The following PCDHGA1 variants were observed in gnomAD, a reference collection of about 807,000 sequenced individuals.
The protein encoded by PCDHGA1 is protocadherin gamma subfamily A, 1, also known as protocadherin gamma-A1.
Under a neutral mutation model 58.0 loss-of-function variants are expected in PCDHGA1, and 32 were observed. The observed-to-expected ratio is 0.55, with a 90% CI of 0.42 to 0.74. PCDHGA1 has a LOEUF of 0.74. PCDHGA1 is among the 30% of genes least tolerant of loss of function. The pLI, the probability that PCDHGA1 is intolerant of heterozygous loss-of-function variation, is 0.00. For synonymous variants in PCDHGA1, 498 were observed against 501.1 expected, an observed-to-expected ratio of 0.99 and a Z score of 0.08; for missense variants, 1,205 against 1,182.3, an observed-to-expected ratio of 1.02 and a Z score of -0.28.
chr5:141,408,316 G>T (rs1407149479), intron 1 of PCDHGA1: 2 of 1,613,750 alleles, frequency 1.2e-6, no homozygotes, highest in African/African-American at 1.3e-5. Flanking sequence ...ACTCGATTCC[G>T]GAGGAGCTGG....
At chr5:141,418,481 C>G (rs1438009750) in intron 1 of PCDHGA1, 1 of 1,614,006 alleles carries the variant, frequency 6.2e-7, no homozygotes, top group Admixed American at 1.7e-5. Context: ...GCAGAGCGCT[C>G]ACCACTTGGT....
intron 1 of PCDHGA1, among the ~76,000 whole-genome samples, chr5:141,474,130 C>G (rs28684928): frequency 6.6e-6 from 1 of 152,160 alleles, no homozygotes; most frequent in Non-Finnish European, 1.5e-5. Context: ...TCTCAGAAAA[C>G]TACAGGCCTT....
intron 1 of PCDHGA1, chr5:141,360,267 C>T (rs755623766): frequency 6.2e-7 from 1 of 1,613,986 alleles, no homozygotes; most frequent in Non-Finnish European, 8.5e-7. Context: ...TGGCCAAAAA[C>T]TCGGTCGTAG....
intron 1 of PCDHGA1, chr5:141,371,369 A>G: frequency 6.2e-7 from 1 of 1,614,014 alleles, no homozygotes; most frequent in Non-Finnish European, 8.5e-7. Flanking sequence ...AGGATGGTGG[A>G]CATCACACTG....
At chr5:141,419,702 G>T (rs116279995) in intron 1 of PCDHGA1, 2 of 1,612,834 alleles carry the variant, frequency 1.2e-6, no homozygotes, top group East Asian at 4.5e-5. Context: ...CAGTGAGCCC[G>T]GGCTCTTCAG....
chr5:141,461,429 T>A lies in PCDHGA1; in HGVS notation c.2422-33378T>A, dbSNP rs193056679. On this transcript the variant is annotated intron_variant, in intron 1 of 3. Coordinates refer to ENST00000517417, the MANE Select transcript of PCDHGA1 (RefSeq NM_018912.3). The stretch of plus-strand genomic sequence containing the variant: ...TTTTCATATGTTTGTGGGCCATTTG[T>A]ATACCTTCTTTTGAGAAATGGCTAT... Among the ~76,000 whole-genome samples the A allele has an allele frequency of 5.6e-4, 85 of 152,328 alleles. 1 individual carries two copies. The highest frequency in any genetic ancestry group is 1.5e-3 in the African/African-American group (64 of 41,580).
chr5:141,485,944 G>C lies in PCDHGA1; in HGVS notation c.2422-8863G>C, dbSNP rs2099621875. 1 of 1,613,998 alleles carries C rather than the reference G, an allele frequency of 6.2e-7. No homozygotes were observed. Reference sequence around the variant, plus strand: ...TTAGTGTGTTGGAGAGCGCACCAGCGGGCATGGTGCTCATCCAGCTCAATG... The same window carrying C: ...TTAGTGTGTTGGAGAGCGCACCAGCCGGCATGGTGCTCATCCAGCTCAATG... On this transcript the variant is annotated intron_variant, in intron 1 of 3. Transcript: ENST00000517417. This position sits in a 1 kb window ranked among gnomAD's most constrained non-coding sequence, Gnocchi z 5.7.
chr5:141,344,416 A>T (rs1757415462), intron 1 of PCDHGA1: 1 of 1,612,606 alleles, frequency 6.2e-7, no homozygotes, highest in Non-Finnish European at 8.5e-7. Flanking sequence ...GATATTAATG[A>T]TAATGCTCCT....
intron 1 of PCDHGA1, chr5:141,383,555 A>G: frequency 6.2e-7 from 1 of 1,611,868 alleles, no homozygotes; most frequent in East Asian, 2.2e-5. Context: ...GATGGCGGCG[A>G]CCCGCCCCGA....
At chr5:141,496,164 C>T (rs745320704) in intron 2 of PCDHGA1, among the ~76,000 whole-genome samples, 1 of 152,084 alleles carries the variant, frequency 6.6e-6, no homozygotes, top group Non-Finnish European at 1.5e-5. Context: ...CCACCAGACA[C>T]CCTCCCATCC....
At chr5:141,350,216 T>G (rs767942868) in intron 1 of PCDHGA1, 61 of 1,490,720 alleles carry the variant, frequency 4.1e-5, no homozygotes, top group Non-Finnish European at 5.3e-5. Context: ...CATTTCTTTT[T>G]GAAAAACATC....
chr5:141,343,940 C>A, intron 1 of PCDHGA1: 1 of 1,176,862 alleles, frequency 8.5e-7, no homozygotes, highest in Non-Finnish European at 1.2e-6. Context: ...GTGAATTAGG[C>A]CCGTAAAAGA....
chr5:141,459,886 G>A (rs932435611), intron 1 of PCDHGA1, among the ~76,000 whole-genome samples: 2 of 152,080 alleles, frequency 1.3e-5, no homozygotes, highest in Non-Finnish European at 2.9e-5. Context: ...TGAGCTGAAC[G>A]CCTTCTTAAA....
chr5:141,366,291 T>A, intron 1 of PCDHGA1: 1 of 1,613,746 alleles, frequency 6.2e-7, no homozygotes, highest in Non-Finnish European at 8.5e-7. Context: ...CAGCCCCCTC[T>A]GTCAGCCACC....
rs767577725 is a variant in PCDHGA1, at chr5:141,485,642, G to C, written c.2422-9165G>C. On this transcript the variant is annotated intron_variant, in intron 1 of 3. Transcript: ENST00000517417. This position sits in a 1 kb window ranked among gnomAD's most constrained non-coding sequence, Gnocchi z 5.7. ...AGGACAGCGTTTCCCGTTGGAAAAGGCTCAGGATGCAGATGTGGGGAGCAA... is the reference window on the plus strand; with the variant it reads ...AGGACAGCGTTTCCCGTTGGAAAAGCCTCAGGATGCAGATGTGGGGAGCAA... 2 of 1,612,044 alleles carry C rather than the reference G, an allele frequency of 1.2e-6. No individual in the cohort carries two copies. The highest frequency in any genetic ancestry group is 8.5e-7 in the Non-Finnish European group (1 of 1,178,592).
chr5:141,481,257 A>T (rs2099534664), intron 1 of PCDHGA1, among the ~76,000 whole-genome samples: 1 of 152,172 alleles, frequency 6.6e-6, no homozygotes, highest in African/African-American at 2.4e-5. Context: ...GCTCTAAAAG[A>T]TCACTGTAGG....
rs576761049 is a variant in PCDHGA1, at chr5:141,372,029, C to T, written c.2421+38924C>T. On this transcript the variant is annotated intron_variant, in intron 1 of 3. Transcript: ENST00000517417. ...AGGGCTCGCCTACGCTCAGCGCCAACGTGAGCCTGCGCGTGTTGGTGGACG... is the reference window on the plus strand; with the variant it reads ...AGGGCTCGCCTACGCTCAGCGCCAATGTGAGCCTGCGCGTGTTGGTGGACG... The T allele has an allele frequency of 2.7e-5, 43 of 1,613,442 alleles. No individual in the cohort carries two copies. The African/African-American group carries it at 4.3e-4, about 16-fold the overall frequency.
At chr5:141,388,332 A>G in intron 1 of PCDHGA1, 1 of 1,614,002 alleles carries the variant, frequency 6.2e-7, no homozygotes. Flanking sequence ...ACAGCCTGGC[A>G]CACGATTTAT....
rs1756346098 is a variant in PCDHGA1 at position 141,331,203 on chromosome 5, C to T, written c.519C>T (p.Ser173=). ...GMNSLQSYQL[S]SNPHFSLDVQ... ...ACTCACTCCAGAGCTACCAACTCAG[C>T]TCTAACCCTCATTTCTCCCTGGATG... Residue 173 remains serine (S), a synonymous_variant, in exon 1 of 4, where the codon AGC becomes AGT. Coordinates refer to ENST00000517417, the MANE Select transcript of PCDHGA1 (RefSeq NM_018912.3). The T allele has an allele frequency of 1.9e-6, 3 of 1,614,036 alleles. No individual in the cohort carries two copies. The highest frequency in any genetic ancestry group is 1.3e-5 in the African/African-American group (1 of 74,914).
Sources: gnomAD v4.1 joint callset for allele counts (sites outside exome capture counted in the v4.1 genomes callset) on GRCh38, gnomAD v4.1.1 for gene constraint, Gnocchi (gnomAD v3.1) non-coding constraint, MANE v1.5 for transcripts, NCBI Gene and HGNC (gene_info 2026-07-23, HGNC 2026-07-21) for gene names.